ZMYND11: variants seen among roughly 807,000 people sequenced by gnomAD.
The protein encoded by ZMYND11 is zinc finger MYND-type containing 11.
ZMYND11 carries 9 observed loss-of-function variants against 84.9 expected under a neutral mutation model. The observed-to-expected ratio is 0.11, with a 90% CI of 0.06 to 0.18. The LOEUF is 0.18. Ranked by LOEUF, ZMYND11 falls within the 10% of genes least tolerant of loss-of-function variation. ZMYND11 has a pLI of 1.00. For synonymous variants in ZMYND11, 250 were observed against 244.1 expected (o/e 1.02, Z -0.23); for missense variants, 409 against 761.0 (o/e 0.54, Z 5.44).
chr10:172,174 C>T (rs558615162), intron 1 of ZMYND11, among the ~76,000 whole-genome samples: 8 of 152,294 alleles, frequency 5.3e-5, no homozygotes, highest in African/African-American at 9.6e-5. Flanking sequence ...GTCTTCACCT[C>T]GTAATGCCGT....
chr10:240,471 C>T (rs1399846498), intron 8 of ZMYND11, among the ~76,000 whole-genome samples: 2 of 152,122 alleles, frequency 1.3e-5, no homozygotes, highest in Non-Finnish European at 2.9e-5. Context: ...GCCACTGCAC[C>T]CCAGCCTGGT....
At chr10:178,519 T>C (rs554866386) in intron 1 of ZMYND11, among the ~76,000 whole-genome samples, 1 of 152,322 alleles carries the variant, frequency 6.6e-6, no homozygotes, top group African/African-American at 2.4e-5. Flanking sequence ...ACAAGTGCAC[T>C]TAAACAGATA....
In ZMYND11 at chr10:249,832, A is replaced by G. The variant is rs546747722; in HGVS notation, c.1686+744A>G. ...TCAAGCCTATATTATATAAATACACATAAGCTTTTCATGAAAGAAATATTT... is the reference window on the plus strand; with the variant it reads ...TCAAGCCTATATTATATAAATACACGTAAGCTTTTCATGAAAGAAATATTT... On this transcript the variant is annotated intron_variant, in intron 14 of 14. Coordinates refer to ENST00000381604, the MANE Select transcript of ZMYND11 (RefSeq NM_001370100.5). The G allele has an allele frequency of 4.8e-5, 43 of 904,294 alleles. 1 individual carries two copies. The South Asian group carries it at 2.1e-3, about 44-fold the overall frequency. 56.0% of individuals were successfully genotyped at this position (904,294 alleles called of 1,614,324 possible).
chr10:162,812 GTGTT>G (rs1843210032), intron 1 of ZMYND11, among the ~76,000 whole-genome samples: 1 of 152,188 alleles, frequency 6.6e-6, no homozygotes, highest in African/African-American at 2.4e-5. Context: ...GTATATGTAT[GTGTT>G]GAGTCCAAGG....
chr10:145,702 G>A (rs1838663951), intron 1 of ZMYND11, among the ~76,000 whole-genome samples: 1 of 152,080 alleles, frequency 6.6e-6, no homozygotes. Context: ...CTTTCTTTGA[G>A]AAGTGTCTAT....
At chr10:170,302 C>T (rs1407032111) in intron 1 of ZMYND11, among the ~76,000 whole-genome samples, 3 of 151,794 alleles carry the variant, frequency 2.0e-5, no homozygotes, top group African/African-American at 4.8e-5. Flanking sequence ...AGTTAGAAAC[C>T]TGGATGTAGA....
chr10:177,893 T>C (rs1847010188), intron 1 of ZMYND11, among the ~76,000 whole-genome samples: 1 of 152,158 alleles, frequency 6.6e-6, no homozygotes, highest in African/African-American at 2.4e-5. Flanking sequence ...AATATATTTC[T>C]GCTTACTCCC....
At chr10:235,887 G>A (rs868104126) in intron 4 of ZMYND11, among the ~76,000 whole-genome samples, 16 of 152,176 alleles carry the variant, frequency 1.1e-4, no homozygotes, top group African/African-American at 3.6e-4. Flanking sequence ...GTGTACGTAC[G>A]TATAATCAAT....
chr10:162,904 C>CT (rs1183078135), intron 1 of ZMYND11, among the ~76,000 whole-genome samples: 6 of 152,082 alleles, frequency 3.9e-5, no homozygotes, highest in African/African-American at 1.2e-4. Context: ...GGTGACTGGA[C>CT]TTTTTTACAG....
upstream of ZMYND11, among the ~76,000 whole-genome samples, chr10:131,333 A>G (rs540666317): frequency 5.1e-4 from 77 of 152,300 alleles, no homozygotes; most frequent in African/African-American, 1.8e-3. Context: ...CATGGACAGA[A>G]GTGGGGAACT....
chr10:198,744 C>CT (rs1371816142), intron 2 of ZMYND11, among the ~76,000 whole-genome samples: 1 of 152,156 alleles, frequency 6.6e-6, no homozygotes, highest in Non-Finnish European at 1.5e-5. Context: ...CAAATAGGTA[C>CT]TTGCATATTG....
intron 3 of ZMYND11, among the ~76,000 whole-genome samples, chr10:219,839 T>G (rs1946828883): frequency 6.6e-6 from 1 of 152,218 alleles, no homozygotes; most frequent in Non-Finnish European, 1.5e-5. Context: ...GGTCATTGTC[T>G]TTTTATTACT....
chr10:186,301 G>A (rs531152059), intron 2 of ZMYND11, among the ~76,000 whole-genome samples: 112 of 151,668 alleles, frequency 7.4e-4, no homozygotes, highest in African/African-American at 2.6e-3. Context: ...GTGAGCCACC[G>A]CGCCAGGCCA....
intron 10 of ZMYND11, among the ~76,000 whole-genome samples, chr10:246,313 T>G (rs988790520): frequency 2.0e-5 from 3 of 152,358 alleles, no homozygotes; most frequent in African/African-American, 4.8e-5. Context: ...TGAAAATTTT[T>G]GGGCATTTTC....
chr10:219,921 G>C (rs1032116309), intron 3 of ZMYND11, among the ~76,000 whole-genome samples: 3 of 152,142 alleles, frequency 2.0e-5, no homozygotes, highest in Non-Finnish European at 4.4e-5. Flanking sequence ...AGGATTTACT[G>C]CCACACTCTA....
At chr10:157,896 G>A (rs1248206050) in intron 1 of ZMYND11, among the ~76,000 whole-genome samples, 3 of 152,004 alleles carry the variant, frequency 2.0e-5, no homozygotes, top group Non-Finnish European at 4.4e-5. Flanking sequence ...CCCGATCCCC[G>A]GGCACCTTCC....
At chr10:248,263 C>G (rs1183762453) in intron 12 of ZMYND11, 73 bp from the exon 13 acceptor site, 5 of 1,528,710 alleles carry the variant, frequency 3.3e-6, no homozygotes, top group Non-Finnish European at 3.5e-6. Context: ...AATTTTTATC[C>G]GAATGGGGTA....
chr10:148,559 A>T (rs1429505688), intron 1 of ZMYND11: 2 of 152,288 alleles, frequency 1.3e-5, no homozygotes, highest in African/African-American at 4.8e-5. Context: ...TAGTGTTTTG[A>T]GGCTTCACAG....
chr10:241,972 ATTTAATAC>A, intron 9 of ZMYND11, 41 bp from the exon 10 acceptor site: 6 of 1,591,024 alleles, frequency 3.8e-6, no homozygotes, highest in Non-Finnish European at 5.2e-6. Flanking sequence ...GTACACTTGC[ATTTAATAC>A]TTTAAAAGTA....
Sources: allele counts gnomAD v4.1 joint callset (sites outside exome capture counted in the v4.1 genomes callset), GRCh38; gene constraint gnomAD v4.1.1; transcripts MANE v1.5; gene names NCBI Gene and HGNC (gene_info 2026-07-23, HGNC 2026-07-21).